Variants in CLCN3 observed in about 807,000 individuals in gnomAD.
The protein encoded by CLCN3 is H(+)/Cl(-) exchange transporter 3.
CLCN3 carries 16 observed loss-of-function variants against 83.4 expected under a neutral mutation model. That is an observed-to-expected ratio of 0.19 (90% CI 0.13 to 0.29). The LOEUF is 0.29. Ranked by LOEUF, CLCN3 falls within the 10% of genes least tolerant of loss-of-function variation. The pLI, the probability that CLCN3 is intolerant of heterozygous loss-of-function variation, is 1.00. For missense variants in CLCN3, 544 were observed against 1,006.0 expected, an observed-to-expected ratio of 0.54 and a Z score of 6.21; for synonymous variants, 322 against 346.2, an observed-to-expected ratio of 0.93 and a Z score of 0.78.
In CLCN3 at chr4:169,697,582, C is replaced by A; in HGVS notation, c.1411C>A (p.Leu471Ile). 6.2e-7 allele frequency: 1 copy of A among 1,614,200 alleles called. No individual in the cohort carries two copies. The highest frequency in any genetic ancestry group is 2.2e-5 in the East Asian group (1 of 44,888). The change falls in exon 9 of 13, where the codon CTT (leucine) becomes ATT (isoleucine). Residue 471 changes from leucine (L) to isoleucine (I), a missense_variant. Physicochemically the swap from Leu to Ile is conservative, Grantham distance 5. Around this residue, in one of 6 missense-constraint regions of CLCN3, gnomAD observed 194 missense variants for 341.4 expected, o/e 0.57. Coordinates refer to ENST00000513761, the MANE Select transcript of CLCN3 (RefSeq NM_001829.4). Reference protein sequence around the residue: ...TDCGPLESSSLCDYRNDMNAS... With the variant: ...TDCGPLESSSICDYRNDMNAS... Reference sequence around the variant, plus strand: ...CTGTGGTCCCCTGGAATCCTCTTCTCTTTGTGACTACAGAAATGACATGAA... The same window carrying A: ...CTGTGGTCCCCTGGAATCCTCTTCTATTTGTGACTACAGAAATGACATGAA...
chr4:169,689,190 A>G lies in CLCN3; in HGVS notation c.566A>G (p.Gln189Arg), dbSNP rs747033096. The G allele has an allele frequency of 3.1e-6, 5 of 1,613,852 alleles. No individual in the cohort carries two copies. The highest frequency in any genetic ancestry group is 1.3e-5 in the African/African-American group (1 of 74,932). Residue 189 changes from glutamine to arginine, a missense_variant, in exon 5 of 13, where the codon CAG (glutamine) becomes CGG (arginine). Around this residue, in one of 6 missense-constraint regions of CLCN3, gnomAD observed 96 missense variants for 202.1 expected, o/e 0.48. Transcript: ENST00000513761. ...TTFEERDKCP[Q>R]WKTWAELIIG... ...TTTGAAGAGAGGGATAAATGTCCACAGTGGAAAACATGGGCAGAATTAATC... is the reference window on the plus strand; with the variant it reads ...TTTGAAGAGAGGGATAAATGTCCACGGTGGAAAACATGGGCAGAATTAATC...
intron 2 of CLCN3, among the ~76,000 whole-genome samples, chr4:169,673,280 C>T (rs1456931429): frequency 1.3e-5 from 2 of 152,136 alleles, no homozygotes; most frequent in Non-Finnish European, 2.9e-5. Context: ...ATTGCTGAAT[C>T]GTTGTGTAAA....
At position 169,647,678 on chromosome 4, in the gene CLCN3, G is replaced by C. The variant is rs116853257; in HGVS notation, c.160+11590G>C. 3.9e-5 allele frequency among the ~76,000 whole-genome samples: 6 copies of C among 152,226 alleles called. No individual in the cohort carries two copies. In the East Asian group the frequency reaches 1.2e-3, roughly 29 times the overall value. ...AAGTATAAAATAATCCCATATATAT[G>C]ATATAAAGGATATAAGTTGACATAA... On this transcript the variant is annotated intron_variant, in intron 2 of 12. Transcript: ENST00000513761.
In CLCN3 at chr4:169,680,196, A is replaced by G; in HGVS notation, c.307A>G (p.Arg103Gly). 1 of 1,612,570 alleles carries G rather than the reference A, an allele frequency of 6.2e-7. No homozygotes were observed. Among genetic ancestry groups the G allele is most frequent in the South Asian group, 1.1e-5 (1 of 90,784 alleles). Reference sequence around the variant, plus strand: ...GCGAGAAAAATGTAAAGACAGAGAAAGGCATAGACGGGTAAGTGTTTTTAG... The same window carrying G: ...GCGAGAAAAATGTAAAGACAGAGAAGGGCATAGACGGGTAAGTGTTTTTAG... ...WVREKCKDRE[R>G]HRRINSKKKE... is the part of the protein sequence containing the mutation. Residue 103 changes from arginine (R) to glycine (G), a missense_variant, in exon 3 of 13, where the codon AGG becomes GGG. Coordinates refer to ENST00000513761, the MANE Select transcript of CLCN3 (RefSeq NM_001829.4).
At chr4:169,703,675 CT>C (rs1215741103) in intron 9 of CLCN3, among the ~76,000 whole-genome samples, 65 of 123,222 alleles carry the variant, frequency 5.3e-4, no homozygotes, top group Non-Finnish European at 5.5e-4. Flanking sequence ...TTTTTTTTTT[CT>C]TTTTTTTTTT....
chr4:169,660,505 C>T (rs557887565), intron 2 of CLCN3: 5 of 1,211,240 alleles, frequency 4.1e-6, no homozygotes, highest in East Asian at 6.2e-5. Flanking sequence ...TGCGGCTGGG[C>T]GGTCCTCTAG....
At chr4:169,637,167 C>A (rs1358684266) in intron 2 of CLCN3, among the ~76,000 whole-genome samples, 2 of 152,106 alleles carry the variant, frequency 1.3e-5, no homozygotes, top group Non-Finnish European at 2.9e-5. Flanking sequence ...TAGATTGCCT[C>A]TTTTAAAGCA....
intron 9 of CLCN3, among the ~76,000 whole-genome samples, chr4:169,701,103 T>G (rs1732768887): frequency 6.6e-6 from 1 of 152,218 alleles, no homozygotes; most frequent in African/African-American, 2.4e-5. Context: ...TTTTCAAAAT[T>G]AGAGTCATCC....
intron 2 of CLCN3, among the ~76,000 whole-genome samples, chr4:169,652,590 A>T (rs1223013827): frequency 6.6e-6 from 1 of 152,166 alleles, no homozygotes. Flanking sequence ...TAACAATGCT[A>T]CTTTGAATAT....
At chr4:169,666,953 T>A (rs1731265070) in intron 2 of CLCN3, among the ~76,000 whole-genome samples, 1 of 152,248 alleles carries the variant, frequency 6.6e-6, no homozygotes, top group Admixed American at 6.5e-5. Context: ...GTTCTTACTG[T>A]TATTATTAGA....
At chr4:169,668,300 T>C (rs890408585) in intron 2 of CLCN3, among the ~76,000 whole-genome samples, 3 of 152,056 alleles carry the variant, frequency 2.0e-5, no homozygotes, top group Non-Finnish European at 4.4e-5. Flanking sequence ...ACTACAGGTG[T>C]GCACCACTAC....
chr4:169,661,347 T>C (rs1731049935), intron 2 of CLCN3, among the ~76,000 whole-genome samples: 1 of 152,178 alleles, frequency 6.6e-6, no homozygotes, highest in Non-Finnish European at 1.5e-5. Context: ...ACTCACCTTA[T>C]GATTTAACCC....
intron 7 of CLCN3, among the ~76,000 whole-genome samples, chr4:169,693,358 C>T (rs1732443797): frequency 6.6e-6 from 1 of 152,212 alleles, no homozygotes; most frequent in Admixed American, 6.5e-5. Context: ...TTATTGATTA[C>T]TTTCTGTGTA....
At chr4:169,683,604 G>A (rs1311342647) in intron 3 of CLCN3, among the ~76,000 whole-genome samples, 1 of 152,186 alleles carries the variant, frequency 6.6e-6, no homozygotes, top group Non-Finnish European at 1.5e-5. Context: ...GCCAGTATGT[G>A]TCCTAGCTAA....
At chr4:169,696,426 CAAAT>C (rs1441143105) in intron 8 of CLCN3, among the ~76,000 whole-genome samples, 3 of 151,430 alleles carry the variant, frequency 2.0e-5, no homozygotes, top group South Asian at 4.2e-4. Flanking sequence ...TTTTTTTTGA[CAAAT>C]AATAATTGTT....
At chr4:169,719,615 CT>C (rs1733556852) in intron 12 of CLCN3, among the ~76,000 whole-genome samples, 1 of 151,884 alleles carries the variant, frequency 6.6e-6, no homozygotes, top group African/African-American at 2.4e-5. Flanking sequence ...GTTTTTGTTA[CT>C]TTTTTGTTGG....
chr4:169,699,064 C>G (rs991860519), intron 9 of CLCN3, among the ~76,000 whole-genome samples: 1 of 152,158 alleles, frequency 6.6e-6, no homozygotes, highest in Non-Finnish European at 1.5e-5. Flanking sequence ...TCGAAACTTT[C>G]TTTCTGCCAC....
At chr4:169,712,021 A>ATTTTTT (rs564857112) in intron 11 of CLCN3, among the ~76,000 whole-genome samples, 6 of 114,970 alleles carry the variant, frequency 5.2e-5, no homozygotes, top group Non-Finnish European at 1.0e-4. Flanking sequence ...TGCTTGGCCG[A>ATTTTTT]TTTTTTTTTT....
intron 11 of CLCN3, among the ~76,000 whole-genome samples, chr4:169,709,135 G>C (rs1581278728): frequency 6.7e-6 from 1 of 148,388 alleles, no homozygotes; most frequent in East Asian, 1.9e-4. Flanking sequence ...GTACAGATCT[G>C]TATATAAATT....
Sources: gnomAD v4.1 joint callset for allele counts (sites outside exome capture counted in the v4.1 genomes callset) on GRCh38, gnomAD v4.1.1 for gene constraint, gnomAD v4.1.1 regional missense constraint, MANE v1.5 for transcripts, NCBI Gene and HGNC (gene_info 2026-07-23, HGNC 2026-07-21) for gene names.